MAP4: variants seen among roughly 807,000 people sequenced by gnomAD.
MAP4 encodes the protein microtubule associated protein 4.
In MAP4, 76 loss-of-function variants were observed where a neutral mutation model predicts 170.2. The observed-to-expected ratio is 0.45, with a 90% CI of 0.37 to 0.54. The LOEUF is 0.54. MAP4 is among the 20% of genes least tolerant of loss of function. MAP4 has a pLI of 0.00. For missense variants in MAP4, 2,506 were observed against 2,748.0 expected, an observed-to-expected ratio of 0.91 and a Z score of 1.97; for synonymous variants, 909 against 994.5, an observed-to-expected ratio of 0.91 and a Z score of 1.62.
chr3:47,952,424 T>C (rs1468115027), intron 3 of MAP4, among the ~76,000 whole-genome samples: 3 of 151,888 alleles, frequency 2.0e-5, no homozygotes, highest in East Asian at 1.9e-4. Context: ...ATGATGACAA[T>C]GGCGGTTTTG....
chr3:47,864,693 CAT>C (rs1559808436), intron 17 of MAP4, among the ~76,000 whole-genome samples: 1 of 151,888 alleles, frequency 6.6e-6, no homozygotes, highest in African/African-American at 2.4e-5. Context: ...AAAATAATAA[CAT>C]AACATAACAT....
intron 1 of MAP4, among the ~76,000 whole-genome samples, chr3:48,086,185 G>A (rs527285233): frequency 2.6e-5 from 4 of 151,828 alleles, no homozygotes; most frequent in Non-Finnish European, 5.9e-5. Flanking sequence ...TTAGCCAGGT[G>A]TGGTGGTGGG....
At chr3:47,867,019 TA>T (rs1301954793) in intron 17 of MAP4, among the ~76,000 whole-genome samples, 2 of 152,060 alleles carry the variant, frequency 1.3e-5, no homozygotes, top group African/African-American at 4.8e-5. Context: ...CCCATATGGG[TA>T]AAAAGATACT....
At chr3:48,038,355 CA>C (rs940368773) in intron 1 of MAP4, among the ~76,000 whole-genome samples, 7 of 147,168 alleles carry the variant, frequency 4.8e-5, no homozygotes, top group East Asian at 4.0e-4. Flanking sequence ...CCATCCATGG[CA>C]AAAAAAAATT....
chr3:47,882,321 G>A (rs1438272672), intron 10 of MAP4, among the ~76,000 whole-genome samples: 1 of 152,012 alleles, frequency 6.6e-6, no homozygotes, highest in Non-Finnish European at 1.5e-5. Context: ...AATAATTACT[G>A]CTATGTTAAG....
At position 47,911,857 on chromosome 3, in the gene MAP4, C is replaced by T. The variant is rs2100036109; in HGVS notation, c.2564G>A (p.Arg855Lys). ...TTCTTCAGAAGGATATAAAGGAATT[C>T]TGAGACTCTCTGAGACAAAGTTCTC... Reference protein sequence around the residue: ...VAENFVSESLRIPLYPSEEAP... With the variant: ...VAENFVSESLKIPLYPSEEAP... The change falls in exon 9 of 21, where the codon AGA becomes AAA. Residue 855 changes from arginine (R) to lysine (K), a missense_variant. Arg to Lys is a conservative substitution (Grantham distance 26). Around this residue, in one of 3 missense-constraint regions of MAP4, gnomAD observed 2,008 missense variants for 2,206.0 expected, o/e 0.91. Transcript: ENST00000683076. The surrounding 1 kb of genome is among the most constrained non-coding windows in gnomAD (Gnocchi z 4.0). The T allele has an allele frequency of 1.8e-5, 28 of 1,535,984 alleles. No individual in the cohort carries two copies. Among genetic ancestry groups the T allele is most frequent in the Non-Finnish European group, 2.4e-5 (27 of 1,146,916 alleles).
intron 1 of MAP4, among the ~76,000 whole-genome samples, chr3:48,001,752 C>T (rs1358206160): frequency 6.6e-6 from 1 of 152,194 alleles, no homozygotes; most frequent in Non-Finnish European, 1.5e-5. Flanking sequence ...CCACCCACCT[C>T]GGCCTCCCAA....
At chr3:47,954,371 C>A (rs557372231) in intron 3 of MAP4, among the ~76,000 whole-genome samples, 1 of 152,254 alleles carries the variant, frequency 6.6e-6, no homozygotes, top group East Asian at 1.9e-4. Context: ...TACTGGTAAT[C>A]AGAACACCTT....
At chr3:47,922,576 AC>A in intron 4 of MAP4, among the ~76,000 whole-genome samples, 1 of 150,526 alleles carries the variant, frequency 6.6e-6, no homozygotes, top group African/African-American at 2.5e-5. Flanking sequence ...AAAAAAAAAA[AC>A]CAACAAGTAA....
intron 10 of MAP4, chr3:47,891,762 T>A: frequency 6.5e-7 from 1 of 1,536,500 alleles, no homozygotes; most frequent in Non-Finnish European, 8.7e-7. Context: ...GAATGCTCAA[T>A]AATGGGGGCT....
At chr3:48,037,868 C>G (rs2100119528) in intron 1 of MAP4, among the ~76,000 whole-genome samples, 1 of 151,932 alleles carries the variant, frequency 6.6e-6, no homozygotes, top group Non-Finnish European at 1.5e-5. Context: ...ACTGTGAGCT[C>G]AAGAGTGAGG....
intron 1 of MAP4, among the ~76,000 whole-genome samples, chr3:48,049,367 C>T (rs1331169587): frequency 1.3e-5 from 2 of 152,272 alleles, no homozygotes; most frequent in East Asian, 3.9e-4. Context: ...CACCTGTAAT[C>T]CTAGCACTTT....
chr3:47,975,465 T>C, intron 3 of MAP4: 1 of 1,567,530 alleles, frequency 6.4e-7, no homozygotes, highest in Non-Finnish European at 8.7e-7. Flanking sequence ...ACGCTAGGCT[T>C]CTAGGAGGAG....
At chr3:47,959,543 T>A (rs998823061) in intron 3 of MAP4, among the ~76,000 whole-genome samples, 1 of 151,588 alleles carries the variant, frequency 6.6e-6, no homozygotes, top group African/African-American at 2.4e-5. Context: ...GATCACAAGG[T>A]CAGGAGATCG....
intron 1 of MAP4, among the ~76,000 whole-genome samples, chr3:48,074,676 TTG>T (rs555691222): frequency 0.023 from 2,051 of 90,414 alleles, 39 homozygotes; most frequent in East Asian, 0.087. Flanking sequence ...ATCCAGCTAA[TTG>T]TGTGTGTGTG....
chr3:48,084,635 T>G (rs2154572031), intron 1 of MAP4, among the ~76,000 whole-genome samples: 1 of 151,144 alleles, frequency 6.6e-6, no homozygotes, highest in South Asian at 2.1e-4. Flanking sequence ...TGAAGTGCAG[T>G]GGCACAATCA....
chr3:47,880,690 C>A (rs75041657), intron 10 of MAP4, among the ~76,000 whole-genome samples: 2 of 151,988 alleles, frequency 1.3e-5, no homozygotes, highest in Non-Finnish European at 2.9e-5. Flanking sequence ...CCAAACTGAC[C>A]GGTCTCAAGC....
upstream of MAP4, among the ~76,000 whole-genome samples, chr3:48,017,802 CATCTGT>C (rs1163059371): frequency 1.3e-5 from 2 of 152,164 alleles, no homozygotes; most frequent in Non-Finnish European, 2.9e-5. Flanking sequence ...ACTAATACAT[CATCTGT>C]ACTTGTAACA....
intron 2 of MAP4, among the ~76,000 whole-genome samples, chr3:47,995,397 C>T (rs2100094892): frequency 6.6e-6 from 1 of 151,920 alleles, no homozygotes; most frequent in African/African-American, 2.4e-5. Flanking sequence ...ATTACAGGTG[C>T]ACACCATTAC....
Sources: allele counts gnomAD v4.1 joint callset (sites outside exome capture counted in the v4.1 genomes callset), GRCh38; gene constraint gnomAD v4.1.1; regional missense constraint gnomAD v4.1.1; non-coding constraint Gnocchi (gnomAD v3.1); transcripts MANE v1.5; gene names NCBI Gene and HGNC (gene_info 2026-07-23, HGNC 2026-07-21).